Variants in POLE2 observed in about 807,000 individuals in gnomAD.
POLE2 encodes DNA polymerase epsilon subunit 2.
POLE2 carries 56 observed loss-of-function variants against 79.4 expected under a neutral mutation model. The observed-to-expected ratio is 0.71, with a 90% confidence interval of 0.57 to 0.88. The LOEUF is 0.88. Ranked by LOEUF, POLE2 falls within the 40% of genes least tolerant of loss-of-function variation. The pLI, the probability that POLE2 is intolerant of heterozygous loss-of-function variation, is 0.00. For missense variants in POLE2, 598 were observed against 638.9 expected, an observed-to-expected ratio of 0.94 and a Z score of 0.69; for synonymous variants, 212 against 214.0, an observed-to-expected ratio of 0.99 and a Z score of 0.08.
intron 8 of POLE2, 37 bp downstream of exon 8, chr14:49,665,070 A>G: frequency 1.1e-6 from 1 of 939,700 alleles, no homozygotes; most frequent in Non-Finnish European, 1.7e-6. Context: ...AATTCACGTA[A>G]TGCAGATTTT....
intron 10 of POLE2, among the ~76,000 whole-genome samples, chr14:49,659,298 G>T (rs1211401023): frequency 6.6e-6 from 1 of 151,920 alleles, no homozygotes; most frequent in Non-Finnish European, 1.5e-5. Flanking sequence ...TAGCTACTTG[G>T]GAAGCTGAGG....
At chr14:49,682,352 T>C (rs1162362047) in intron 2 of POLE2, among the ~76,000 whole-genome samples, 1 of 151,232 alleles carries the variant, frequency 6.6e-6, no homozygotes, top group Non-Finnish European at 1.5e-5. Flanking sequence ...TCAATGTCTA[T>C]TTTCACCAGG....
At chr14:49,671,618 G>GACAAAAAAAAA (rs748209998) in intron 5 of POLE2, among the ~76,000 whole-genome samples, 1 of 58,702 alleles carries the variant, frequency 1.7e-5, no homozygotes, top group African/African-American at 6.9e-5. Context: ...CTCTGCCTCA[G>GACAAAAAAAAA]AAAAAAAAAA....
At chr14:49,670,142 C>A (rs895327715) in intron 5 of POLE2, among the ~76,000 whole-genome samples, 2 of 151,724 alleles carry the variant, frequency 1.3e-5, no homozygotes, top group African/African-American at 4.8e-5. Context: ...ATAGTGAAAC[C>A]ACGTCTCTAC....
intron 13 of POLE2, chr14:49,654,447 C>T (rs1177646511): frequency 2.1e-6 from 1 of 475,186 alleles, no homozygotes; most frequent in Non-Finnish European, 3.7e-6. Context: ...GCTAGCATAG[C>T]TGATGGACTG....
At chr14:49,680,369 T>G (rs1038018433) in intron 2 of POLE2, among the ~76,000 whole-genome samples, 2 of 151,732 alleles carry the variant, frequency 1.3e-5, no homozygotes, top group Non-Finnish European at 1.5e-5. Flanking sequence ...AAAAAAAAAT[T>G]CTCTAAGCTC....
chr14:49,662,302 C>T (rs577786414), intron 10 of POLE2, among the ~76,000 whole-genome samples: 1 of 152,324 alleles, frequency 6.6e-6, no homozygotes, highest in South Asian at 2.1e-4. Context: ...AACTAAAATC[C>T]TTGTTGTTGT....
At chr14:49,657,227 C>T (rs1205049715) in intron 10 of POLE2, among the ~76,000 whole-genome samples, 4 of 151,844 alleles carry the variant, frequency 2.6e-5, no homozygotes, top group East Asian at 1.9e-4. Flanking sequence ...CTGAATGTCA[C>T]GAATCATGCT....
intron 10 of POLE2, among the ~76,000 whole-genome samples, chr14:49,659,267 T>TC (rs1284992753): frequency 6.6e-6 from 1 of 151,710 alleles, no homozygotes; most frequent in Non-Finnish European, 1.5e-5. Flanking sequence ...TACACAATTT[T>TC]TTTTTTTTAA....
chr14:49,683,129 T>A (rs1886851817), intron 2 of POLE2, among the ~76,000 whole-genome samples: 1 of 152,082 alleles, frequency 6.6e-6, no homozygotes, highest in Admixed American at 6.5e-5. Flanking sequence ...AGGCCGGGTG[T>A]GGTGGCTCCC....
chr14:49,666,426 A>C lies in POLE2; in HGVS notation c.493-13T>G. The C allele has an allele frequency of 2.4e-6, 3 of 1,228,698 alleles. No homozygotes were observed. Among genetic ancestry groups the C allele is most frequent in the Non-Finnish European group, 3.4e-6 (3 of 886,818 alleles). 76.1% of individuals were successfully genotyped at this position (1,228,698 alleles called of 1,614,324 possible). A position where few individuals can be genotyped will look rare whatever the true frequency, so the allele number is the denominator to read the frequency against. ...CTATTGTTTTAAGCTAAAATAAAAC[A>C]AAATAAATTTTAAAGACTGTAAATA... On this transcript the variant is annotated splice_polypyrimidine_tract_variant and intron_variant, in intron 6 of 18. Coordinates refer to ENST00000216367, the MANE Select transcript of POLE2 (RefSeq NM_002692.4).
chr14:49,654,380 A>G, intron 13 of POLE2, 166 bp from the exon 14 acceptor site: 1 of 596,352 alleles, frequency 1.7e-6, no homozygotes, highest in Non-Finnish European at 2.9e-6. Context: ...ACTGTCTAGT[A>G]ATGTCATGAT....
At chr14:49,662,830 T>C (rs12892044) in intron 10 of POLE2, among the ~76,000 whole-genome samples, 43,472 of 152,224 alleles carry the variant, frequency 0.29, 7,471 homozygotes, top group African/African-American at 0.46. Flanking sequence ...ATCATTCAGG[T>C]TCTGCCCAAA....
intron 7 of POLE2, among the ~76,000 whole-genome samples, chr14:49,665,529 C>T (rs899476928): frequency 6.6e-6 from 1 of 152,168 alleles, no homozygotes; most frequent in African/African-American, 2.4e-5. Context: ...CAGTACTCTC[C>T]GTTTATCCAG....
intron 5 of POLE2, among the ~76,000 whole-genome samples, chr14:49,673,044 TCA>T (rs1243850598): frequency 2.0e-5 from 3 of 152,184 alleles, no homozygotes; most frequent in African/African-American, 7.2e-5. Flanking sequence ...TTCTACTCTC[TCA>T]GACTCTAGGC....
At chr14:49,676,878 A>C (rs1465803000) in intron 3 of POLE2, among the ~76,000 whole-genome samples, 1 of 152,254 alleles carries the variant, frequency 6.6e-6, no homozygotes, top group East Asian at 1.9e-4. Context: ...CTAGATGAGA[A>C]TCATGATCCC....
At chr14:49,675,249 TA>T (rs1386294075) in intron 3 of POLE2, among the ~76,000 whole-genome samples, 1 of 151,494 alleles carries the variant, frequency 6.6e-6, no homozygotes, top group African/African-American at 2.4e-5. Context: ...CACGCCCAGC[TA>T]ATTTTGTATT....
intron 2 of POLE2, 35 bp from the exon 3 acceptor site, chr14:49,679,835 C>CAA (rs376413453): frequency 1.1e-4 from 100 of 934,608 alleles, no homozygotes; most frequent in African/African-American, 6.1e-4. Context: ...AATTTAAAAA[C>CAA]AAAAAAAAAA....
At chr14:49,676,359 T>C (rs1396919076) in intron 3 of POLE2, among the ~76,000 whole-genome samples, 1 of 152,188 alleles carries the variant, frequency 6.6e-6, no homozygotes, top group East Asian at 1.9e-4. Context: ...GTAACAAGTA[T>C]AGAGTGGCTG....
Sources: gnomAD v4.1 joint callset for allele counts (sites outside exome capture counted in the v4.1 genomes callset) on GRCh38, gnomAD v4.1.1 for gene constraint, MANE v1.5 for transcripts, NCBI Gene and HGNC (gene_info 2026-07-23, HGNC 2026-07-21) for gene names.